Variants in TENM1 observed in about 807,000 individuals in gnomAD.
TENM1 encodes the protein teneurin transmembrane protein 1.
A neutral mutation model predicts 174.8 loss-of-function variants in TENM1; 35 were observed. The ratio of observed to expected loss-of-function variants is 0.20; its 90% CI spans 0.15 to 0.27. The LOEUF (loss-of-function observed/expected upper bound fraction) is 0.27, where lower values mean the gene tolerates loss of function less well. TENM1 is among the 10% of genes least tolerant of loss of function. The pLI, the probability that TENM1 is intolerant of heterozygous loss-of-function variation, is 1.00. For missense variants in TENM1, 1,633 were observed against 2,130.1 expected, an observed-to-expected ratio of 0.77 and a Z score of 4.59; for synonymous variants, 781 against 798.7, an observed-to-expected ratio of 0.98 and a Z score of 0.37.
intron 4 of TENM1, 57 bp downstream of exon 7, chrX:124,736,900 G>A (rs1287455721): frequency 8.7e-7 from 1 of 1,154,960 alleles, no homozygotes; most frequent in Non-Finnish European, 1.2e-6. Context: ...TCTGCAATCA[G>A]TAGAACCATC....
At position 124,840,405 on chromosome X, in the gene TENM1, T is replaced by A. The variant is rs535150513; in HGVS notation, c.535+53891A>T. Among the ~76,000 whole-genome samples, 14 of 111,936 alleles carry A rather than the reference T, an allele frequency of 1.3e-4. No individual in the cohort carries two copies. The South Asian group carries it at 5.2e-3, about 42-fold the overall frequency. ...CTAGCTTGGAGCATTAGCTATTCAATTTGCAATGAGACTTAGTAATAAACA... is the reference window on the plus strand; with the variant it reads ...CTAGCTTGGAGCATTAGCTATTCAAATTGCAATGAGACTTAGTAATAAACA... On this transcript the variant is annotated intron_variant, in intron 3 of 31. Transcript: ENST00000422452.
chrX:125,099,628 G>C, the TENM1 span, among the ~76,000 whole-genome samples: 1 of 111,814 alleles, frequency 8.9e-6, no homozygotes, highest in Non-Finnish European at 1.9e-5. Context: ...AATGCTATCG[G>C]TTCCATCTCC....
chrX:125,068,092 C>A, the TENM1 span, among the ~76,000 whole-genome samples: 1 of 111,861 alleles, frequency 8.9e-6, no homozygotes, highest in Non-Finnish European at 1.9e-5. Flanking sequence ...ATAATTGCAA[C>A]TGCTCTGCAA....
chrX:124,467,555 C>A (rs2061252937), intron 22 of TENM1, among the ~76,000 whole-genome samples: 1 of 111,663 alleles, frequency 9.0e-6, no homozygotes, highest in Non-Finnish European at 1.9e-5. Flanking sequence ...TGCAGGGGTC[C>A]TTGATGAACC....
chrX:125,022,964 G>A, the TENM1 span, among the ~76,000 whole-genome samples: 11 of 111,402 alleles, frequency 9.9e-5, no homozygotes, highest in African/African-American at 3.3e-4. Context: ...CAGGATTAAA[G>A]AAACAAGGTG....
Position 124,384,859 on chromosome X carries a change from A to G in TENM1, c.6077-5T>C, listed in dbSNP as rs773590725. Reference sequence around the variant, plus strand: ...TCTGGCGTCCAATAAGAGGTCCTGCAGGAACCAAAACAAAAACAGTAAGAA... The same window carrying G: ...TCTGGCGTCCAATAAGAGGTCCTGCGGGAACCAAAACAAAAACAGTAAGAA... On this transcript the variant is annotated splice_region_variant and splice_polypyrimidine_tract_variant and intron_variant, in intron 29 of 31. Coordinates refer to ENST00000422452, the Ensembl canonical transcript of TENM1. 14 of 1,191,530 alleles carry G rather than the reference A, an allele frequency of 1.2e-5. No homozygotes were observed. In the South Asian group the frequency reaches 2.6e-4, roughly 22 times the overall value.
At chrX:124,428,784 T>G (rs2060745992) in intron 23 of TENM1, among the ~76,000 whole-genome samples, 1 of 112,137 alleles carries the variant, frequency 8.9e-6, no homozygotes, top group Non-Finnish European at 1.9e-5. Context: ...CAGTTACCAT[T>G]CAATGTAGCT....
chrX:124,609,539 T>C (rs1201831341), intron 11 of TENM1, among the ~76,000 whole-genome samples: 1 of 111,882 alleles, frequency 8.9e-6, no homozygotes, highest in Admixed American at 9.5e-5. Context: ...CCTTTTAACA[T>C]GCTTAATCAA....
intron 11 of TENM1, among the ~76,000 whole-genome samples, chrX:124,591,254 G>A (rs1195618547): frequency 9.0e-6 from 1 of 111,424 alleles, no homozygotes; most frequent in Non-Finnish European, 1.9e-5. Flanking sequence ...TGACATGTGA[G>A]GTTTTGATCC....
the TENM1 span, among the ~76,000 whole-genome samples, chrX:125,035,563 A>C: frequency 9.0e-6 from 1 of 111,209 alleles, no homozygotes; most frequent in African/African-American, 3.3e-5. Flanking sequence ...GGGTATATGC[A>C]GCAACTCTAC....
At chrX:124,378,821 A>C (rs2060127436) in exon 32 of TENM1, 1 of 112,398 alleles carries the variant, frequency 8.9e-6, no homozygotes, top group African/African-American at 3.2e-5. Flanking sequence ...TTTTCAAAGA[A>C]ACTGTCATCG....
At chrX:124,728,969 T>C (rs756708116) in intron 4 of TENM1, among the ~76,000 whole-genome samples, 1 of 112,494 alleles carries the variant, frequency 8.9e-6, no homozygotes, top group African/African-American at 3.2e-5. Flanking sequence ...GGGCTTAGAA[T>C]AGTGCTTGGC....
the TENM1 span, among the ~76,000 whole-genome samples, chrX:125,063,164 G>A: frequency 8.9e-6 from 1 of 111,939 alleles, no homozygotes; most frequent in African/African-American, 3.2e-5. Flanking sequence ...CCAAATTCAT[G>A]CCAGGATAGA....
the TENM1 span, among the ~76,000 whole-genome samples, chrX:125,054,547 C>T: frequency 9.0e-6 from 1 of 110,845 alleles, no homozygotes; most frequent in African/African-American, 3.3e-5. Context: ...AAAAACCTGT[C>T]TATAAATAGC....
At chrX:125,028,997 TAATA>T in the TENM1 span, among the ~76,000 whole-genome samples, 5 of 112,029 alleles carry the variant, frequency 4.5e-5, no homozygotes, top group Non-Finnish European at 7.5e-5. Context: ...ATTTCATCAT[TAATA>T]AAAATAATAT....
chrX:124,681,123 C>A (rs1314330616), intron 5 of TENM1, among the ~76,000 whole-genome samples: 7 of 111,764 alleles, frequency 6.3e-5, no homozygotes, highest in Non-Finnish European at 9.4e-5. Flanking sequence ...TAATCATAGC[C>A]ATAAATATGT....
chrX:124,753,077 G>A (rs2054125114), intron 3 of TENM1, among the ~76,000 whole-genome samples: 1 of 109,987 alleles, frequency 9.1e-6, no homozygotes, highest in South Asian at 3.9e-4. Flanking sequence ...ATTACCTTGG[G>A]CAGTATGGCC....
intron 4 of TENM1, among the ~76,000 whole-genome samples, chrX:124,722,503 T>A (rs755913762): frequency 9.0e-6 from 1 of 111,250 alleles, no homozygotes; most frequent in Non-Finnish European, 1.9e-5. Flanking sequence ...AAAGGCAAAC[T>A]TTTTATTTTA....
chrX:124,733,402 T>G (rs779279347), intron 4 of TENM1, among the ~76,000 whole-genome samples: 1 of 112,424 alleles, frequency 8.9e-6, no homozygotes, highest in African/African-American at 3.2e-5. Flanking sequence ...TTAGTAGGGA[T>G]AGTAATGTTA....
Sources: allele counts gnomAD v4.1 joint callset (sites outside exome capture counted in the v4.1 genomes callset), GRCh38; gene constraint gnomAD v4.1.1; transcripts MANE v1.5; gene names NCBI Gene and HGNC (gene_info 2026-07-23, HGNC 2026-07-21).